STAR: variants seen among roughly 807,000 people sequenced by gnomAD.
The protein encoded by STAR is steroidogenic acute regulatory protein, mitochondrial.
STAR carries 32 observed loss-of-function variants against 32.3 expected under a neutral mutation model. That is an observed-to-expected ratio of 0.99 (90% confidence interval 0.75 to 1.33). The LOEUF is 1.33. Among genes scored for constraint, STAR ranks in the 40% most tolerant of loss-of-function variants. The pLI, the probability that STAR is intolerant of heterozygous loss-of-function variation, is 0.00. For synonymous variants in STAR, 134 were observed against 140.5 expected (o/e 0.95, Z 0.33); for missense variants, 375 against 379.0 (o/e 0.99, Z 0.09).
At position 38,148,462 on chromosome 8, in the gene STAR, AGTTAATCACAGCCGCCCCAG is replaced by A. The variant is rs1802613887; in HGVS notation, c.179-155_179-136del. 11 of 1,462,222 alleles carry A rather than the reference AGTTAATCACAGCCGCCCCAG, an allele frequency of 7.5e-6. No individual in the cohort carries two copies. In the South Asian group the frequency reaches 1.1e-4, roughly 14 times the overall value. 90.6% of individuals were successfully genotyped at this position (1,462,222 alleles called of 1,614,324 possible). A position where few individuals can be genotyped will look rare whatever the true frequency, so the allele number is the denominator to read the frequency against. On this transcript the variant is annotated intron_variant, in intron 2 of 6. Coordinates refer to ENST00000276449, the MANE Select transcript of STAR (RefSeq NM_000349.3). Reference sequence around the variant, plus strand: ...GCCATAGGGGCCAGCCTGCTGGTCGAGTTAATCACAGCCGCCCCAGGTGACCAGAGAGGGATCTGGCCTTG... The same window carrying A: ...GCCATAGGGGCCAGCCTGCTGGTCGAGTGACCAGAGAGGGATCTGGCCTTG...
chr8:38,143,845 CTG>C lies in STAR; in HGVS notation c.*426_*427del. On this transcript the variant is annotated 3_prime_UTR_variant, in exon 7 of 7. Coordinates refer to ENST00000276449, the MANE Select transcript of STAR (RefSeq NM_000349.3). The stretch of plus-strand genomic sequence containing the variant: ...GGAGCAGAGGGCTGCAGGAGACCCT[CTG>C]AGATTCTGCTTTGTGCACATGTACT... 1 of 294,226 alleles carries C rather than the reference CTG, an allele frequency of 3.4e-6. No individual in the cohort carries two copies. Among genetic ancestry groups the C allele is most frequent in the Non-Finnish European group, 6.7e-6 (1 of 150,252 alleles). The allele number at this position is 294,226 out of a possible 1,614,324, so 18.2% of individuals were successfully genotyped here.
intron 3 of STAR, among the ~76,000 whole-genome samples, chr8:38,146,859 T>TC (rs1459991687): frequency 1.3e-5 from 2 of 151,580 alleles, no homozygotes; most frequent in Admixed American, 1.3e-4. Context: ...GCAAAGGAAC[T>TC]CCAAGTTGAG....
Position 38,143,954 on chromosome 8 carries a change from C to T in STAR, c.*319G>A, listed in dbSNP as rs1467856799. On this transcript the variant is annotated 3_prime_UTR_variant, in exon 7 of 7. Coordinates refer to ENST00000276449, the MANE Select transcript of STAR (RefSeq NM_000349.3). ...GCATCCCCCACACCCATATCAGCCACTAGCATTTTAAAGATGGTTTTAGGT... is the reference window on the plus strand; with the variant it reads ...GCATCCCCCACACCCATATCAGCCATTAGCATTTTAAAGATGGTTTTAGGT... 2.8e-6 allele frequency: 1 copy of T among 362,236 alleles called. No homozygotes were observed. Among genetic ancestry groups the T allele is most frequent in the Non-Finnish European group, 5.4e-6 (1 of 185,428 alleles). 22.4% of individuals were successfully genotyped at this position (362,236 alleles called of 1,614,324 possible).
chr8:38,146,872 C>T (rs534563272), intron 3 of STAR, among the ~76,000 whole-genome samples: 16 of 151,822 alleles, frequency 1.1e-4, no homozygotes, highest in African/African-American at 3.6e-4. Context: ...AAGTTGAGCA[C>T]GAGGAAGCCT....
intron 6 of STAR, 86 bp downstream of exon 6, chr8:38,145,136 A>T: frequency 6.3e-7 from 1 of 1,596,094 alleles, no homozygotes; most frequent in Non-Finnish European, 8.5e-7. Context: ...ATAGAAGAGG[A>T]TTCTTTCTGC....
Position 38,146,046 on chromosome 8 carries a change from A to G in STAR, c.567T>C (p.Cys189=), listed in dbSNP as rs760421403. 1 of 1,614,204 alleles carries G rather than the reference A, an allele frequency of 6.2e-7. No individual in the cohort carries two copies. Among genetic ancestry groups the G allele is most frequent in the Non-Finnish European group, 8.5e-7 (1 of 1,180,040 alleles). Residue 189 remains cysteine (C), a synonymous_variant, in exon 5 of 7, where the codon TGT becomes TGC. Transcript: ENST00000276449. ...VGPRDFVSVR[C]AKRRGSTCVL... ...CACAGGTGGAGCCTCGGCGCTTGGC[A>G]CAGCGCACGCTCACAAAGTCACGGG...
At chr8:38,145,530 G>T in intron 5 of STAR, 1 of 652,004 alleles carries the variant, frequency 1.5e-6, no homozygotes, top group Non-Finnish European at 2.7e-6. Context: ...CAGCCCCTGC[G>T]GCCTCTTGTG....
chr8:38,144,361 TTGA>T lies in STAR; in HGVS notation c.767_769del (p.Ile256del). ...CACCTGGGTCTGGGACAGGACCTGGTTGATGATGCTCTTGGGCAGCCACCCCTG... is the reference window on the plus strand; with the variant it reads ...CACCTGGGTCTGGGACAGGACCTGGTTGATGCTCTTGGGCAGCCACCCCTG... On this transcript the variant is annotated inframe_deletion, in exon 7 of 7. Coordinates refer to ENST00000276449, the MANE Select transcript of STAR (RefSeq NM_000349.3). The T allele has an allele frequency of 6.2e-7, 1 of 1,605,136 alleles. No homozygotes were observed. The highest frequency in any genetic ancestry group is 8.5e-7 in the Non-Finnish European group (1 of 1,175,952).
chr8:38,145,596 G>A, intron 5 of STAR: 1 of 566,854 alleles, frequency 1.8e-6, no homozygotes, highest in Non-Finnish European at 3.1e-6. Flanking sequence ...CTGGTGGCTG[G>A]GCTGGGGCCT....
At chr8:38,144,768 G>T in intron 6 of STAR, 1 of 697,200 alleles carries the variant, frequency 1.4e-6, no homozygotes, top group Non-Finnish European at 2.0e-6. Context: ...TGTAATCCCA[G>T]CACTTTTGGA....
rs1311930619 is a variant in STAR at position 38,143,507 on chromosome 8, A to G, written c.*766T>C. 1 of 152,202 alleles carries G rather than the reference A, an allele frequency of 6.6e-6. No individual in the cohort carries two copies. Among genetic ancestry groups the G allele is most frequent in the Non-Finnish European group, 1.5e-5 (1 of 68,178 alleles). 9.4% of individuals were successfully genotyped at this position (152,202 alleles called of 1,614,324 possible). On this transcript the variant is annotated 3_prime_UTR_variant, in exon 7 of 7. Coordinates refer to ENST00000276449, the MANE Select transcript of STAR (RefSeq NM_000349.3). ...ATTTTAGTAGAGACGGGGTTTCACC[A>G]TGTTGGCCAGGATGGTCTCGATCTC...
At chr8:38,145,829 T>G (rs1193799887) in intron 5 of STAR, 134 bp downstream of exon 5, 1 of 1,123,162 alleles carries the variant, frequency 8.9e-7, no homozygotes, top group East Asian at 2.4e-5. Flanking sequence ...AATAAGTATC[T>G]TCTTTTGTAG....
rs775678465 is a variant in STAR, at chr8:38,150,742, C to T, written c.64+13G>A. ...TGGCCAACCCCTCATCGCCTCCTTC[C>T]CGCAGCGCTCACCCTTCATGTTGCG... On this transcript the variant is annotated intron_variant, in intron 1 of 6. Coordinates refer to ENST00000276449, the MANE Select transcript of STAR (RefSeq NM_000349.3). 9 of 1,606,124 alleles carry T rather than the reference C, an allele frequency of 5.6e-6. No homozygotes were observed. Among genetic ancestry groups the T allele is most frequent in the Non-Finnish European group, 7.6e-6 (9 of 1,179,976 alleles).
intron 5 of STAR, chr8:38,145,598 C>T (rs1802554471): frequency 1.8e-6 from 1 of 566,100 alleles, no homozygotes. Context: ...GGTGGCTGGG[C>T]TGGGGCCTTG....
rs2720050 is a variant in STAR, at chr8:38,146,269, T to C, written c.465+20A>G. On this transcript the variant is annotated intron_variant, in intron 4 of 6. Coordinates refer to ENST00000276449, the MANE Select transcript of STAR (RefSeq NM_000349.3). ...TGGGCTCTCCTGGGCCCCTGCCACC[T>C]GCACCTGGACTTTGCTCACCTTGAT... is the stretch of plus-strand genomic sequence containing the variant. 0.98 allele frequency: 1,589,630 copies of C among 1,614,026 alleles called. 783,079 individuals carry two copies. Among genetic ancestry groups the C allele is most frequent in the Non-Finnish European group, 0.99 (1,168,797 of 1,180,030 alleles).
intron 2 of STAR, 56 bp from the exon 3 acceptor site, chr8:38,148,383 C>G: frequency 6.2e-7 from 1 of 1,608,966 alleles, no homozygotes; most frequent in Non-Finnish European, 8.5e-7. Context: ...CCTCCACCAG[C>G]TCTCATCCCT....
chr8:38,144,845 C>T (rs1245539555), intron 6 of STAR: 2 of 578,208 alleles, frequency 3.5e-6, no homozygotes, highest in Non-Finnish European at 5.2e-6. Context: ...CCCGTCTCTA[C>T]TAAAAATACA....
At chr8:38,149,424 T>G (rs967090694) in intron 1 of STAR, among the ~76,000 whole-genome samples, 1 of 152,210 alleles carries the variant, frequency 6.6e-6, no homozygotes, top group African/African-American at 2.4e-5. Flanking sequence ...TCAAATGACC[T>G]TGGATGCGAA....
rs1260303217 is a variant in STAR, at chr8:38,144,184, T to G, written c.*89A>C. 1 of 1,334,616 alleles carries G rather than the reference T, an allele frequency of 7.5e-7. No individual in the cohort carries two copies. The highest frequency in any genetic ancestry group is 1.4e-5 in the African/African-American group (1 of 69,008). The allele number at this position is 1,334,616 out of a possible 1,614,324, so 82.7% of individuals were successfully genotyped here. ...CCATCCCACTGTCACCAGATGGAGATCTTAGACTTGCAGGCTTCCAGTAGG... is the reference window on the plus strand; with the variant it reads ...CCATCCCACTGTCACCAGATGGAGAGCTTAGACTTGCAGGCTTCCAGTAGG... On this transcript the variant is annotated 3_prime_UTR_variant, in exon 7 of 7. Coordinates refer to ENST00000276449, the MANE Select transcript of STAR (RefSeq NM_000349.3).
Sources: allele counts gnomAD v4.1 joint callset (sites outside exome capture counted in the v4.1 genomes callset), GRCh38; gene constraint gnomAD v4.1.1; transcripts MANE v1.5; gene names NCBI Gene and HGNC (gene_info 2026-07-23, HGNC 2026-07-21).